Variants in MTUS1 observed in about 807,000 individuals in gnomAD.
MTUS1 encodes microtubule-associated tumor suppressor 1.
MTUS1 carries 109 observed loss-of-function variants against 120.8 expected under a neutral mutation model. That is an observed-to-expected ratio of 0.90 (90% CI 0.77 to 1.06). The LOEUF is 1.06. Ranked by LOEUF, MTUS1 falls within the 50% of genes least tolerant of loss-of-function variation. The pLI, the probability that MTUS1 is intolerant of heterozygous loss-of-function variation, is 0.00. For synonymous variants in MTUS1, 737 were observed against 550.5 expected, an observed-to-expected ratio of 1.34 and a Z score of -4.74; for missense variants, 2,210 against 1,486.3, an observed-to-expected ratio of 1.49 and a Z score of -8.01.
chr8:17,744,543 C>G (rs1034056785), intron 2 of MTUS1, among the ~76,000 whole-genome samples: 7 of 152,066 alleles, frequency 4.6e-5, no homozygotes, highest in Non-Finnish European at 1.0e-4. Flanking sequence ...GCCTCAGCCT[C>G]CTGAGTAGCT....
chr8:17,676,968 G>C (rs928334636), intron 7 of MTUS1, among the ~76,000 whole-genome samples: 4 of 152,164 alleles, frequency 2.6e-5, no homozygotes, highest in African/African-American at 9.7e-5. Flanking sequence ...CTCAGTAAGA[G>C]CTACGGAAGT....
At chr8:17,655,716 G>C in intron 9 of MTUS1, 147 bp downstream of exon 9, 1 of 712,672 alleles carries the variant, frequency 1.4e-6, no homozygotes. Flanking sequence ...GGGAGACAGA[G>C]TGGGACTCTG....
chr8:17,722,930 T>A (rs2045943765), intron 4 of MTUS1, among the ~76,000 whole-genome samples: 2 of 152,198 alleles, frequency 1.3e-5, no homozygotes, highest in Admixed American at 1.3e-4. Flanking sequence ...CTCCACACCC[T>A]TGTGTCTGGT....
intron 6 of MTUS1, 66 bp from the exon 7 acceptor site, chr8:17,684,608 G>T: frequency 1.5e-6 from 2 of 1,308,674 alleles, no homozygotes; most frequent in Non-Finnish European, 2.2e-6. Flanking sequence ...CCACCACAAG[G>T]ATTCAAAAAC....
rs1377847113 is a variant in MTUS1 at position 17,645,217 on chromosome 8, G to A, written c.*709C>T. 3 of 152,526 alleles carry A rather than the reference G, an allele frequency of 2.0e-5. No individual in the cohort carries two copies. Among genetic ancestry groups the A allele is most frequent in the Non-Finnish European group, 4.4e-5 (3 of 68,018 alleles). 9.4% of individuals were successfully genotyped at this position (152,526 alleles called of 1,614,324 possible). On this transcript the variant is annotated 3_prime_UTR_variant, in exon 15 of 15. Transcript: ENST00000693296. The stretch of plus-strand genomic sequence containing the variant: ...TGACATGGCTGAACACTGAAAAACT[G>A]CCAAGAAGTTACCCCCAAAAGATAC...
At chr8:17,649,069 C>T (rs571343860) in intron 13 of MTUS1, among the ~76,000 whole-genome samples, 3 of 150,280 alleles carry the variant, frequency 2.0e-5, no homozygotes, top group African/African-American at 4.9e-5. Context: ...GCTACTTGTC[C>T]AAATGGATTA....
At chr8:17,718,869 A>G (rs1434253953) in intron 4 of MTUS1, among the ~76,000 whole-genome samples, 1 of 151,712 alleles carries the variant, frequency 6.6e-6, no homozygotes, top group Non-Finnish European at 1.5e-5. Context: ...TGATTTTCCT[A>G]TTAGAAAAGG....
intron 6 of MTUS1, chr8:17,691,243 G>C (rs969127052): frequency 6.6e-6 from 1 of 152,192 alleles, no homozygotes; most frequent in African/African-American, 2.4e-5. Flanking sequence ...TCTGAAACTT[G>C]TCAAATTAGG....
At chr8:17,712,484 G>GT (rs1265097395) in intron 6 of MTUS1, among the ~76,000 whole-genome samples, 2 of 151,964 alleles carry the variant, frequency 1.3e-5, no homozygotes, top group Non-Finnish European at 2.9e-5. Context: ...CTCCAGGAGC[G>GT]TACCACCACG....
At chr8:17,705,833 T>C (rs1820045003) in intron 6 of MTUS1, 1 of 152,246 alleles carries the variant, frequency 6.6e-6, no homozygotes, top group Non-Finnish European at 1.5e-5. Flanking sequence ...CTGAGAGTGA[T>C]GATCTTGTGT....
chr8:17,730,485 T>TTA (rs758736206), intron 3 of MTUS1, among the ~76,000 whole-genome samples: 1 of 122,818 alleles, frequency 8.1e-6, no homozygotes, highest in Non-Finnish European at 1.7e-5. Context: ...ACTCTGTCTT[T>TTA]AAAAAAAAAA....
At chr8:17,654,774 G>C in intron 9 of MTUS1, 108 bp from the exon 10 acceptor site, 1 of 746,054 alleles carries the variant, frequency 1.3e-6, no homozygotes, top group South Asian at 1.6e-5. Context: ...GGTAAGCGTG[G>C]GCTCTAGTTT....
At position 17,675,210 on chromosome 8, in the gene MTUS1, G is replaced by A; in HGVS notation, c.2881C>T (p.Leu961Phe). 1 of 1,614,120 alleles carries A rather than the reference G, an allele frequency of 6.2e-7. No individual in the cohort carries two copies. Among genetic ancestry groups the A allele is most frequent in the South Asian group, 1.1e-5 (1 of 91,066 alleles). The change falls in exon 8 of 15, where the codon CTT becomes TTT. Residue 961 changes from leucine to phenylalanine, a missense_variant. Transcript: ENST00000693296. ...CCTAGCTCTCCCCGGAGGTTAACAA[G>A]TTCTTGAGATAGGGTTTTGTGTTGT... is the stretch of plus-strand genomic sequence containing the variant. ...LKQHKTLSQE[L>F]VNLRGELVTA...
chr8:17,660,813 C>G (rs1361546093), intron 8 of MTUS1, among the ~76,000 whole-genome samples: 2 of 152,112 alleles, frequency 1.3e-5, no homozygotes, highest in Non-Finnish European at 1.5e-5. Flanking sequence ...ATTGAGGCAT[C>G]AAGGATGAAA....
rs377319032 is a variant in MTUS1, at chr8:17,724,812, C to G, written c.2288-979G>C. On this transcript the variant is annotated intron_variant, in intron 3 of 14. Coordinates refer to ENST00000693296, the MANE Select transcript of MTUS1 (RefSeq NM_001363059.2). ...ATGCGGATGAATCCCATGTTCTCAC[C>G]TGCAGCCCTATCTTCCTTCTGAATC... 9.2e-5 allele frequency among the ~76,000 whole-genome samples: 14 copies of G among 152,304 alleles called. No homozygotes were observed. The South Asian group carries it at 1.7e-3, about 18-fold the overall frequency.
intron 1 of MTUS1, among the ~76,000 whole-genome samples, chr8:17,787,907 G>A (rs1186727320): frequency 2.6e-5 from 4 of 152,214 alleles, no homozygotes; most frequent in African/African-American, 7.2e-5. Flanking sequence ...GATCACCTGA[G>A]TAAGGAGTTC....
At chr8:17,661,387 A>T (rs750939493) in intron 8 of MTUS1, among the ~76,000 whole-genome samples, 1 of 152,218 alleles carries the variant, frequency 6.6e-6, no homozygotes, top group Non-Finnish European at 1.5e-5. Flanking sequence ...CTGGAAGCTC[A>T]TATCTGGGAC....
At chr8:17,694,080 T>G (rs1817487411) in intron 6 of MTUS1, among the ~76,000 whole-genome samples, 1 of 152,208 alleles carries the variant, frequency 6.6e-6, no homozygotes, top group Non-Finnish European at 1.5e-5. Context: ...ACTTTTTACC[T>G]ATTAATTTTT....
chr8:17,698,934 C>T (rs903896785), intron 6 of MTUS1, among the ~76,000 whole-genome samples: 20 of 152,128 alleles, frequency 1.3e-4, no homozygotes, highest in Admixed American at 6.5e-4. Flanking sequence ...CTAGGTGTTG[C>T]CTTTTACTTC....
Sources: allele counts gnomAD v4.1 joint callset (sites outside exome capture counted in the v4.1 genomes callset), GRCh38; gene constraint gnomAD v4.1.1; transcripts MANE v1.5; gene names NCBI Gene and HGNC (gene_info 2026-07-23, HGNC 2026-07-21).